Variants in TAFA5 observed in about 807,000 individuals in gnomAD.
TAFA5 encodes TAFA chemokine like family member 5.
In TAFA5, 6 loss-of-function variants were observed where a neutral mutation model predicts 15.3. The ratio of observed to expected loss-of-function variants is 0.39; its 90% confidence interval spans 0.21 to 0.77. The LOEUF is 0.77. Ranked by LOEUF, TAFA5 falls within the 30% of genes least tolerant of loss-of-function variation. The probability of loss-of-function intolerance (pLI) is 0.41; values close to 1 mark genes in which losing one functional copy is unlikely to be tolerated. For synonymous variants in TAFA5, 103 were observed against 80.7 expected, an observed-to-expected ratio of 1.28 and a Z score of -1.48; for missense variants, 161 against 193.1, an observed-to-expected ratio of 0.83 and a Z score of 0.98.
intron 1 of TAFA5, among the ~76,000 whole-genome samples, chr22:48,635,874 A>G (rs1169263114): frequency 6.6e-6 from 1 of 152,046 alleles, no homozygotes; most frequent in Non-Finnish European, 1.5e-5. Context: ...TTGCTTTTTT[A>G]TTTGTAGTGT....
At chr22:48,692,309 C>A (rs888283826) in intron 2 of TAFA5, among the ~76,000 whole-genome samples, 5 of 152,232 alleles carry the variant, frequency 3.3e-5, no homozygotes, top group African/African-American at 1.2e-4. Context: ...CCCTGGGCCC[C>A]TCCCTCCTTG....
At chr22:48,582,934 G>T (rs145530392) in intron 1 of TAFA5, among the ~76,000 whole-genome samples, 8,504 of 49,462 alleles carry the variant, frequency 0.17, 290 homozygotes, top group African/African-American at 0.23. Context: ...CGCCACACAC[G>T]AAATACACCA....
chr22:48,642,684 T>C (rs1390685458), intron 1 of TAFA5, among the ~76,000 whole-genome samples: 4 of 152,010 alleles, frequency 2.6e-5, no homozygotes, highest in Non-Finnish European at 5.9e-5. Context: ...GAGTATGTGG[T>C]GTGTGGCCTG....
chr22:48,551,335 C>T (rs555914281), intron 1 of TAFA5, among the ~76,000 whole-genome samples: 10 of 152,268 alleles, frequency 6.6e-5, no homozygotes, highest in South Asian at 2.1e-4. Flanking sequence ...CTGACCCAGA[C>T]GCCTGGCATA....
At chr22:48,512,943 A>G (rs9615914) in intron 1 of TAFA5, among the ~76,000 whole-genome samples, 19,000 of 106,588 alleles carry the variant, frequency 0.18, 1,384 homozygotes, top group Middle Eastern at 0.23. Flanking sequence ...AAAAAAAAAA[A>G]AGAGAGAGAG....
At chr22:48,618,757 C>A (rs552118056) in intron 1 of TAFA5, among the ~76,000 whole-genome samples, 2 of 152,340 alleles carry the variant, frequency 1.3e-5, no homozygotes, top group South Asian at 4.1e-4. Context: ...GCTTTCGTGG[C>A]CCATCTGGGA....
In TAFA5 at chr22:48,646,613, C is replaced by A. The variant is rs912599376; in HGVS notation, c.129C>A (p.Gly43=). The A allele has an allele frequency of 1.2e-6, 2 of 1,612,442 alleles. No individual in the cohort carries two copies. Among genetic ancestry groups the A allele is most frequent in the African/African-American group, 2.7e-5 (2 of 74,924 alleles). ...LIAYCSQLAA[G]TCEIVTLDRD... ...TCTCTGCAGGTCAGCTGGCCGCCGGCACCTGTGAGATTGTGACCTTGGACC... is the reference window on the plus strand; with the variant it reads ...TCTCTGCAGGTCAGCTGGCCGCCGGAACCTGTGAGATTGTGACCTTGGACC... The change falls in exon 2 of 4, where the codon GGC becomes GGA. Residue 43 remains glycine, a synonymous_variant. Transcript: ENST00000402357.
At chr22:48,543,397 T>C (rs190628303) in intron 1 of TAFA5, 1 of 152,208 alleles carries the variant, frequency 6.6e-6, no homozygotes, top group East Asian at 1.9e-4. Context: ...TTCCGGCCAC[T>C]CTCTGGAGGA....
intron 2 of TAFA5, among the ~76,000 whole-genome samples, chr22:48,666,196 T>C (rs1927603080): frequency 6.6e-6 from 1 of 151,994 alleles, no homozygotes; most frequent in African/African-American, 2.4e-5. Context: ...TCAAATATGA[T>C]CGCAGCCAGG....
At chr22:48,541,435 G>A (rs1922368966) in intron 1 of TAFA5, among the ~76,000 whole-genome samples, 1 of 152,164 alleles carries the variant, frequency 6.6e-6, no homozygotes. Flanking sequence ...GTAGGACCCA[G>A]ACTTTTGCTG....
intron 1 of TAFA5, among the ~76,000 whole-genome samples, chr22:48,546,085 G>A (rs899901377): frequency 1.3e-5 from 2 of 152,288 alleles, no homozygotes; most frequent in African/African-American, 4.8e-5. Context: ...ATCCCATCAC[G>A]GGCACAACTT....
intron 1 of TAFA5, among the ~76,000 whole-genome samples, chr22:48,635,082 G>T (rs981094501): frequency 1.3e-5 from 2 of 152,218 alleles, no homozygotes; most frequent in African/African-American, 4.8e-5. Context: ...GCTGTTCTGG[G>T]CCTGGGGCCT....
rs987934672 is a variant in TAFA5, at chr22:48,742,836, G to T, written c.391-7003G>T. ...GGCTGAGTCCCCAGCTGGGAGCTCA[G>T]GTGCGATGAAGCCCAAGGGACTGAC... is the stretch of plus-strand genomic sequence containing the variant. On this transcript the variant is annotated intron_variant, in intron 3 of 3. Coordinates refer to ENST00000402357, the MANE Select transcript of TAFA5 (RefSeq NM_001082967.3). This position sits in a 1 kb window ranked among gnomAD's most constrained non-coding sequence, Gnocchi z 6.2. 6.6e-6 allele frequency among the ~76,000 whole-genome samples: 1 copy of T among 152,184 alleles called. No individual in the cohort carries two copies. Among genetic ancestry groups the T allele is most frequent in the Non-Finnish European group, 1.5e-5 (1 of 68,022 alleles).
chr22:48,595,074 G>A (rs566376421), intron 1 of TAFA5, among the ~76,000 whole-genome samples: 37 of 152,310 alleles, frequency 2.4e-4, no homozygotes, highest in African/African-American at 8.7e-4. Context: ...CTGTGACCGG[G>A]TGGTGGTGGT....
At chr22:48,553,447 G>C (rs1295837548) in intron 1 of TAFA5, among the ~76,000 whole-genome samples, 1 of 152,226 alleles carries the variant, frequency 6.6e-6, no homozygotes, top group African/African-American at 2.4e-5. Flanking sequence ...CAGGATGCAG[G>C]CTTCCCTGGC....
chr22:48,549,837 C>T (rs770991292), intron 1 of TAFA5, among the ~76,000 whole-genome samples: 2 of 152,202 alleles, frequency 1.3e-5, no homozygotes, highest in African/African-American at 2.4e-5. Flanking sequence ...GGACTAAGTT[C>T]GGAGATGGAT....
intron 1 of TAFA5, among the ~76,000 whole-genome samples, chr22:48,593,480 G>T (rs1214457486): frequency 6.6e-6 from 1 of 152,084 alleles, no homozygotes; most frequent in Non-Finnish European, 1.5e-5. Context: ...TGGGCTCGGG[G>T]GGTGTCTCAG....
chr22:48,652,105 C>T (rs895531130), intron 2 of TAFA5, among the ~76,000 whole-genome samples: 9 of 152,234 alleles, frequency 5.9e-5, no homozygotes, highest in East Asian at 3.9e-4. Flanking sequence ...CTGGGCACAG[C>T]GCGTCATCTC....
intron 1 of TAFA5, among the ~76,000 whole-genome samples, chr22:48,627,520 GC>G (rs905648472): frequency 9.2e-5 from 14 of 152,236 alleles, no homozygotes; most frequent in Non-Finnish European, 7.3e-5. Flanking sequence ...ACACAGCCCT[GC>G]CCCCCCAGGT....
Sources: allele counts gnomAD v4.1 joint callset (sites outside exome capture counted in the v4.1 genomes callset), GRCh38; gene constraint gnomAD v4.1.1; non-coding constraint Gnocchi (gnomAD v3.1); transcripts MANE v1.5; gene names NCBI Gene and HGNC (gene_info 2026-07-23, HGNC 2026-07-21).